Variants in WDR46 observed in about 807,000 individuals in gnomAD.
The protein encoded by WDR46 is WD repeat-containing protein 46.
In WDR46, 58 loss-of-function variants were observed where a neutral mutation model predicts 74.7. The observed-to-expected ratio is 0.78, with a 90% CI of 0.63 to 0.97. The LOEUF is 0.97. Ranked by LOEUF, WDR46 falls within the 50% of genes least tolerant of loss-of-function variation. The probability of loss-of-function intolerance (pLI) is 0.00; values close to 1 mark genes in which losing one functional copy is unlikely to be tolerated. For missense variants in WDR46, 702 were observed against 790.1 expected (o/e 0.89, Z 1.34); for synonymous variants, 278 against 297.3 (o/e 0.93, Z 0.67).
rs753369072 is a variant in WDR46 at position 33,280,503 on chromosome 6, G to A, written c.1449C>T (p.Phe483=). Residue 483 remains phenylalanine, a synonymous_variant, in exon 12 of 15, where the codon TTC becomes TTT. Coordinates refer to ENST00000374617, the MANE Select transcript of WDR46 (RefSeq NM_005452.6). Reference sequence around the variant, plus strand: ...TGTATGGATTACTCTCCAGGCCATCGAAGTTGGGCTCACCGGCCCCTGAAG... The same window carrying A: ...TGTATGGATTACTCTCCAGGCCATCAAAGTTGGGCTCACCGGCCCCTGAAG... ...MLVPGAGEPN[F]DGLESNPYRS... The A allele has an allele frequency of 3.1e-5, 49 of 1,601,938 alleles. No individual in the cohort carries two copies. The highest frequency in any genetic ancestry group is 2.2e-5 in the East Asian group (1 of 44,574).
intron 10 of WDR46, among the ~76,000 whole-genome samples, chr6:33,283,193 A>G (rs1766331899): frequency 6.6e-6 from 1 of 151,802 alleles, no homozygotes; most frequent in Non-Finnish European, 1.5e-5. Context: ...TGGGTGACAG[A>G]GTGAGACTCC....
chr6:33,287,449 T>C lies in WDR46; in HGVS notation c.785A>G (p.Tyr262Cys), dbSNP rs200794276. ...GTGGAGCTCAATGCCCTGATTGTCA[T>C]AGATGTGGAGCCAGCGGTTCTGAGC... ...AVAQNRWLHI[Y>C]DNQGIELHCI... Residue 262 changes from tyrosine (Y) to cysteine (C), a missense_variant, in exon 8 of 15, where the codon TAT becomes TGT. Physicochemically the swap from Tyr to Cys is radical, Grantham distance 194. Coordinates refer to ENST00000374617, the MANE Select transcript of WDR46 (RefSeq NM_005452.6). The C allele has an allele frequency of 1.1e-5, 18 of 1,612,426 alleles. No individual in the cohort carries two copies. The highest frequency in any genetic ancestry group is 2.2e-5 in the East Asian group (1 of 44,818).
In WDR46 at chr6:33,288,605, G is replaced by A. The variant is rs745775393; in HGVS notation, c.360+9C>T. 33 of 1,612,486 alleles carry A rather than the reference G, an allele frequency of 2.0e-5. No individual in the cohort carries two copies. The highest frequency in any genetic ancestry group is 2.6e-5 in the Non-Finnish European group (31 of 1,179,300). On this transcript the variant is annotated intron_variant, in intron 3 of 14. Transcript: ENST00000374617. ...TCCAGCACTTCCCAACTCTCCGGCTGGACCTCACCTTTCGGGATTTGTCAA... is the reference window on the plus strand; with the variant it reads ...TCCAGCACTTCCCAACTCTCCGGCTAGACCTCACCTTTCGGGATTTGTCAA...
chr6:33,280,012 C>T (rs547231982), intron 12 of WDR46, among the ~76,000 whole-genome samples, 153 bp from the exon 13 acceptor site: 7 of 152,058 alleles, frequency 4.6e-5, no homozygotes, highest in Admixed American at 2.6e-4. Flanking sequence ...CAAACCACAC[C>T]TTCCCCAGCA....
rs1444983879 is a variant in WDR46, at chr6:33,279,290, T to C, written c.1819A>G (p.Arg607Gly). The C allele has an allele frequency of 6.2e-7, 1 of 1,614,216 alleles. No homozygotes were observed. The highest frequency in any genetic ancestry group is 8.5e-7 in the Non-Finnish European group (1 of 1,180,024). Residue 607 changes from arginine to glycine, a missense_variant, in exon 15 of 15, where the codon AGA becomes GGA. Physicochemically the swap from Arg to Gly is moderately radical, Grantham distance 125. Coordinates refer to ENST00000374617, the MANE Select transcript of WDR46 (RefSeq NM_005452.6). ...TGGAGTCTGGCTCAGCGCACAAATC[T>C]GTCCAGGGCAGATGGCCGGGCCCCC... is the stretch of plus-strand genomic sequence containing the variant. The part of the protein sequence containing the change: ...PTGARPSALD[R>G]FVR
In WDR46 at chr6:33,280,991, G is replaced by A. The variant is rs1221882963; in HGVS notation, c.1116-4C>T. ...TAGGCCAGAGGTGGCCATGTACCTG[G>A]TGAGAGAAGAGGGATCAATTAATAT... is the stretch of plus-strand genomic sequence containing the variant. On this transcript the variant is annotated splice_polypyrimidine_tract_variant and splice_region_variant and intron_variant, in intron 10 of 14. Coordinates refer to ENST00000374617, the MANE Select transcript of WDR46 (RefSeq NM_005452.6). The A allele has an allele frequency of 1.3e-6, 2 of 1,594,470 alleles. No homozygotes were observed. Among genetic ancestry groups the A allele is most frequent in the Non-Finnish European group, 1.7e-6 (2 of 1,168,362 alleles).
chr6:33,286,829 C>G lies in WDR46; in HGVS notation c.1081G>C (p.Gly361Arg). ...GAATCTACTGCCACAGCCCGGACCC[C>G]ACCACGATGACAGAGAATCTTTGCC... ...PLAKILCHRG[G>R]VRAVAVDSTG... is the part of the protein sequence containing the mutation. The change falls in exon 10 of 15, where the codon GGG (glycine) becomes CGG (arginine). Residue 361 changes from glycine (G) to arginine (R), a missense_variant. By Grantham distance (125) the Gly-to-Arg change is moderately radical. Transcript: ENST00000374617. 6.2e-7 allele frequency: 1 copy of G among 1,614,136 alleles called. No homozygotes were observed. The highest frequency in any genetic ancestry group is 1.3e-5 in the African/African-American group (1 of 75,014).
intron 12 of WDR46, among the ~76,000 whole-genome samples, chr6:33,280,074 T>C (rs554638335): frequency 6.6e-6 from 1 of 151,598 alleles, no homozygotes; most frequent in East Asian, 2.0e-4. Context: ...ACAGGGGCAA[T>C]CTCACCCTCT....
At chr6:33,287,022 T>G (rs901607202) in intron 9 of WDR46, 69 bp downstream of exon 9, 1 of 1,590,994 alleles carries the variant, frequency 6.3e-7, no homozygotes, top group Non-Finnish European at 8.6e-7. Context: ...TTTAAGGGAC[T>G]CATGAAGTAC....
chr6:33,280,276 ACCTTCTCCAGCAGTGGGGAACCT>A, intron 12 of WDR46, 129 bp downstream of exon 12: 1 of 684,376 alleles, frequency 1.5e-6, no homozygotes, highest in Non-Finnish European at 2.5e-6. Context: ...GGGGAACCTG[ACCTTCTCCAGCAGTGGGGAACCT>A]GACCTTCTCC....
intron 2 of WDR46, 44 bp from the exon 3 acceptor site, chr6:33,288,738 C>A: frequency 6.2e-7 from 1 of 1,613,082 alleles, no homozygotes; most frequent in Non-Finnish European, 8.5e-7. Context: ...CTTGGATTGA[C>A]CCCAACCCTC....
rs776098675 is a variant in WDR46 at position 33,280,931 on chromosome 6, G to A, written c.1172C>T (p.Thr391Met). The A allele has an allele frequency of 8.7e-6, 14 of 1,613,822 alleles. No homozygotes were observed. The East Asian group carries it at 1.8e-4, about 21-fold the overall frequency. ...HQLKIFDLRG[T>M]YQPLSTRTLP... ...GGTCCGAGTGCTCAGAGGCTGGTAC[G>A]TCCCTCGCAAGTCAAAGATCTTCAG... The change falls in exon 11 of 15, where the codon ACG (threonine) becomes ATG (methionine). Residue 391 changes from threonine (T) to methionine (M), a missense_variant. Transcript: ENST00000374617.
chr6:33,286,735 G>GCCCA, intron 10 of WDR46, 60 bp downstream of exon 10: 2 of 1,526,172 alleles, frequency 1.3e-6, no homozygotes, highest in South Asian at 2.3e-5. Flanking sequence ...AAAGCACACT[G>GCCCA]CCTTCCACAC....
At chr6:33,280,652 C>T in intron 11 of WDR46, 22 bp downstream of exon 11, 1 of 1,586,356 alleles carries the variant, frequency 6.3e-7, no homozygotes. Context: ...TCACTTCAAG[C>T]CCCATCCCCT....
At chr6:33,283,940 C>G (rs1355114670) in intron 10 of WDR46, among the ~76,000 whole-genome samples, 1 of 151,078 alleles carries the variant, frequency 6.6e-6, no homozygotes, top group Admixed American at 6.6e-5. Flanking sequence ...CCTGGCCAAT[C>G]ATTCTCAAAA....
Position 33,280,637 on chromosome 6 carries a change from T to G in WDR46, c.1429+37A>C, listed in dbSNP as rs45611234. 5.4e-3 allele frequency: 8,663 copies of G among 1,591,176 alleles called. 300 individuals are homozygous for G. In the African/African-American group the frequency reaches 0.085, roughly 16 times the overall value. On this transcript the variant is annotated intron_variant, in intron 11 of 14. Transcript: ENST00000374617. ...CTCTGGCCCAAACTTCCACCCAGAG[T>G]TCATTCACTTCAAGCCCCATCCCCT...
chr6:33,289,054 C>A (rs1281936857), intron 1 of WDR46, 41 bp from the exon 2 acceptor site: 4 of 1,611,720 alleles, frequency 2.5e-6, no homozygotes, highest in Non-Finnish European at 3.4e-6. Context: ...GCCCCGCCCC[C>A]CGACCCCACA....
intron 2 of WDR46, 25 bp downstream of exon 2, chr6:33,288,779 G>A (rs1015065908): frequency 1.2e-6 from 2 of 1,613,586 alleles, no homozygotes; most frequent in Non-Finnish European, 1.7e-6. Context: ...GGCCTGCCTC[G>A]CCACCCATCA....
chr6:33,282,264 T>G (rs368543279), intron 10 of WDR46, among the ~76,000 whole-genome samples: 16 of 152,320 alleles, frequency 1.1e-4, no homozygotes, highest in Non-Finnish European at 2.4e-4. Context: ...AGCAGAGACT[T>G]GCACAGTGAT....
Sources: allele counts gnomAD v4.1 joint callset (sites outside exome capture counted in the v4.1 genomes callset), GRCh38; gene constraint gnomAD v4.1.1; transcripts MANE v1.5; gene names NCBI Gene and HGNC (gene_info 2026-07-23, HGNC 2026-07-21).